SNX3: variants seen among roughly 807,000 people sequenced by gnomAD.
The protein encoded by SNX3 is sorting nexin-3.
In SNX3, 5 loss-of-function variants were observed where a neutral mutation model predicts 17.7. The ratio of observed to expected loss-of-function variants is 0.28; its 90% CI spans 0.15 to 0.59. SNX3 has a LOEUF of 0.59. SNX3 is among the 20% of genes least tolerant of loss of function. The pLI, the probability that SNX3 is intolerant of heterozygous loss-of-function variation, is 0.88. For missense variants in SNX3, 132 were observed against 206.8 expected (o/e 0.64, Z 2.22); for synonymous variants, 91 against 76.5 (o/e 1.19, Z -0.99).
At chr6:108,248,718 T>C (rs1226057917) in intron 1 of SNX3, among the ~76,000 whole-genome samples, 1 of 152,194 alleles carries the variant, frequency 6.6e-6, no homozygotes, top group Admixed American at 6.5e-5. Flanking sequence ...TGTTGTCCCA[T>C]TTAGAGCTGG....
chr6:108,250,060 G>A (rs181449952), intron 1 of SNX3, among the ~76,000 whole-genome samples: 4 of 152,142 alleles, frequency 2.6e-5, no homozygotes, highest in East Asian at 3.9e-4. Flanking sequence ...AGAGGGGCAC[G>A]CCACCACAGC....
At chr6:108,214,459 T>A in intron 3 of SNX3, 39 bp downstream of exon 3, 1 of 1,599,024 alleles carries the variant, frequency 6.3e-7, no homozygotes, top group Non-Finnish European at 8.5e-7. Flanking sequence ...AGTAGTCACT[T>A]AAAGTAGTCC....
chr6:108,219,423 T>G (rs988178644), intron 2 of SNX3, among the ~76,000 whole-genome samples: 3 of 151,990 alleles, frequency 2.0e-5, no homozygotes, highest in Admixed American at 2.0e-4. Flanking sequence ...CTGGGCAACA[T>G]AGTGAAGCCT....
At chr6:108,219,474 G>T (rs572137120) in intron 2 of SNX3, among the ~76,000 whole-genome samples, 15 of 152,266 alleles carry the variant, frequency 9.9e-5, no homozygotes, top group African/African-American at 3.4e-4. Flanking sequence ...TGGACATGGT[G>T]GCTCATGCCT....
At position 108,212,180 on chromosome 6, in the gene SNX3, C is replaced by G. The variant is rs745536426; in HGVS notation, c.458G>C (p.Ser153Thr). Residue 153 changes from serine (S) to threonine (T), a missense_variant, in exon 4 of 4, where the codon AGC becomes ACC. Physicochemically the swap from Ser to Thr is moderately conservative, Grantham distance 58. This residue lies in a region of SNX3 where 54 missense variants were observed against 118.0 expected (regional missense o/e 0.46). Coordinates refer to ENST00000230085, the MANE Select transcript of SNX3 (RefSeq NM_003795.6). Reference protein sequence around the residue: ...MFLQDEIIDKSYTPSKIRHA With the variant: ...MFLQDEIIDKTYTPSKIRHA ...ATGTCTTATTTTAGATGGAGTATAG[C>G]TTTTATCTATTATTTCATCTTGTAA... 6.2e-7 allele frequency: 1 copy of G among 1,609,442 alleles called. No individual in the cohort carries two copies. Among genetic ancestry groups the G allele is most frequent in the Non-Finnish European group, 8.5e-7 (1 of 1,177,992 alleles).
chr6:108,250,067 C>G (rs528616564), intron 1 of SNX3, among the ~76,000 whole-genome samples: 2 of 152,072 alleles, frequency 1.3e-5, no homozygotes, highest in African/African-American at 4.8e-5. Context: ...CACGCCACCA[C>G]AGCTGGCTAA....
intron 1 of SNX3, among the ~76,000 whole-genome samples, chr6:108,247,988 A>G (rs528396180): frequency 1.1e-4 from 16 of 152,268 alleles, no homozygotes; most frequent in African/African-American, 3.9e-4. Flanking sequence ...TATACATTAT[A>G]TATAAAATTA....
chr6:108,218,073 T>C (rs143194359), intron 2 of SNX3, among the ~76,000 whole-genome samples: 82 of 152,308 alleles, frequency 5.4e-4, no homozygotes, highest in Non-Finnish European at 1.0e-3. Flanking sequence ...ATGTGAAGTA[T>C]TGTGCTTCAA....
chr6:108,231,869 A>C (rs1431427832), intron 1 of SNX3, among the ~76,000 whole-genome samples: 1 of 152,194 alleles, frequency 6.6e-6, no homozygotes, highest in African/African-American at 2.4e-5. Context: ...CTCCCTGCCA[A>C]ATACAGTGTG....
At chr6:108,247,470 T>G (rs1449740892) in intron 1 of SNX3, among the ~76,000 whole-genome samples, 1 of 151,908 alleles carries the variant, frequency 6.6e-6, no homozygotes, top group Admixed American at 6.6e-5. Context: ...TGGGCTCAAG[T>G]GATCCTTCTA....
At chr6:108,233,735 C>A (rs1309475270) in intron 1 of SNX3, among the ~76,000 whole-genome samples, 1 of 151,954 alleles carries the variant, frequency 6.6e-6, no homozygotes, top group African/African-American at 2.4e-5. Context: ...GCTGAAAGAG[C>A]GAATAACTGC....
At chr6:108,218,180 G>A (rs1399909298) in intron 2 of SNX3, among the ~76,000 whole-genome samples, 1 of 151,968 alleles carries the variant, frequency 6.6e-6, no homozygotes, top group Non-Finnish European at 1.5e-5. Context: ...ATATATTCTC[G>A]ACATAACTCT....
chr6:108,249,247 T>A (rs1044759484), intron 1 of SNX3, among the ~76,000 whole-genome samples: 2 of 151,962 alleles, frequency 1.3e-5, no homozygotes, highest in African/African-American at 4.8e-5. Context: ...TGATACTGTA[T>A]GAGAAATTAA....
At chr6:108,218,268 A>G (rs1211531515) in intron 2 of SNX3, among the ~76,000 whole-genome samples, 1 of 152,242 alleles carries the variant, frequency 6.6e-6, no homozygotes, top group Non-Finnish European at 1.5e-5. Flanking sequence ...ATAAATGACC[A>G]GTAAGTATAT....
intron 1 of SNX3, among the ~76,000 whole-genome samples, chr6:108,235,632 A>C (rs1209310620): frequency 6.6e-6 from 1 of 152,202 alleles, no homozygotes; most frequent in Non-Finnish European, 1.5e-5. Context: ...ACGGTGGCTC[A>C]CACCTGTAAT....
intron 1 of SNX3, among the ~76,000 whole-genome samples, chr6:108,227,825 T>TTG (rs1554261610): frequency 1.0e-3 from 154 of 151,972 alleles, no homozygotes; most frequent in African/African-American, 3.6e-3. Flanking sequence ...GTTTTTTTTT[T>TTG]TTGTTGTTGT....
intron 1 of SNX3, among the ~76,000 whole-genome samples, chr6:108,230,381 A>C (rs1199586282): frequency 2.0e-5 from 3 of 152,180 alleles, no homozygotes; most frequent in Non-Finnish European, 4.4e-5. Context: ...TAAAAGTGTT[A>C]AATACAACCA....
chr6:108,215,338 G>A (rs536297875), intron 2 of SNX3, among the ~76,000 whole-genome samples: 3 of 146,226 alleles, frequency 2.1e-5, no homozygotes, highest in East Asian at 2.0e-4. Flanking sequence ...TACAGAGTGA[G>A]ACTCCGTCTA....
chr6:108,212,627 T>C (rs1415209785), intron 3 of SNX3, among the ~76,000 whole-genome samples: 1 of 152,282 alleles, frequency 6.6e-6, no homozygotes, highest in African/African-American at 2.4e-5. Context: ...CGTGAGCCAC[T>C]GCGCCCGGCT....
Sources: gnomAD v4.1 joint callset for allele counts (sites outside exome capture counted in the v4.1 genomes callset) on GRCh38, gnomAD v4.1.1 for gene constraint, gnomAD v4.1.1 regional missense constraint, MANE v1.5 for transcripts, NCBI Gene and HGNC (gene_info 2026-07-23, HGNC 2026-07-21) for gene names.